Variants in SPIDR observed in about 807,000 individuals in gnomAD.
SPIDR encodes the protein scaffold protein involved in DNA repair.
SPIDR carries 93 observed loss-of-function variants against 104.6 expected under a neutral mutation model. That is an observed-to-expected ratio of 0.89 (90% CI 0.75 to 1.06). The LOEUF is 1.06. Among genes scored for constraint, SPIDR ranks in the 50% least tolerant of loss-of-function variants. The pLI, the probability that SPIDR is intolerant of heterozygous loss-of-function variation, is 0.00. For synonymous variants in SPIDR, 431 were observed against 416.9 expected, an observed-to-expected ratio of 1.03 and a Z score of -0.41; for missense variants, 1,154 against 1,111.2, an observed-to-expected ratio of 1.04 and a Z score of -0.55.
intron 8 of SPIDR, among the ~76,000 whole-genome samples, chr8:47,480,672 A>G (rs1268040061): frequency 6.6e-6 from 1 of 152,182 alleles, no homozygotes; most frequent in Non-Finnish European, 1.5e-5. Flanking sequence ...GTGTGCTCCC[A>G]TGTGGCCTGA....
At chr8:47,340,301 A>G (rs2050500060) in intron 5 of SPIDR, among the ~76,000 whole-genome samples, 1 of 152,008 alleles carries the variant, frequency 6.6e-6, no homozygotes, top group Admixed American at 6.6e-5. Context: ...CTTTTTCTCA[A>G]CACGTACAAT....
intron 11 of SPIDR, among the ~76,000 whole-genome samples, chr8:47,698,402 T>C (rs1487095791): frequency 6.6e-6 from 1 of 152,198 alleles, no homozygotes; most frequent in Non-Finnish European, 1.5e-5. Context: ...TAAATGAATG[T>C]GTCAGCTGCC....
At chr8:47,552,818 T>TA (rs1564313029) in intron 8 of SPIDR, among the ~76,000 whole-genome samples, 1 of 152,200 alleles carries the variant, frequency 6.6e-6, no homozygotes, top group African/African-American at 2.4e-5. Context: ...GTTAGCTGGT[T>TA]ATTTTGCTCA....
chr8:47,396,455 C>T lies in SPIDR; in HGVS notation c.605C>T (p.Ser202Leu), dbSNP rs782616390. ...TTGGAAAATGTCCTACTCATTGATT[C>T]AGAATCCCCTCACAAATACCACGTG... ...DDLENVLLIDSESPHKYHVQF... is the reference protein window; with the variant it reads ...DDLENVLLIDLESPHKYHVQF... Residue 202 changes from serine (S) to leucine (L), a missense_variant, in exon 6 of 20, where the codon TCA becomes TTA. Physicochemically the swap from Ser to Leu is moderately radical, Grantham distance 145. Coordinates refer to ENST00000297423, the MANE Select transcript of SPIDR (RefSeq NM_001080394.4). 5.0e-6 allele frequency: 8 copies of T among 1,613,924 alleles called. No homozygotes were observed. Among genetic ancestry groups the T allele is most frequent in the Middle Eastern group, 1.6e-4 (1 of 6,062 alleles).
At chr8:47,390,867 G>A (rs2060496441) in intron 5 of SPIDR, among the ~76,000 whole-genome samples, 2 of 152,034 alleles carry the variant, frequency 1.3e-5, no homozygotes. Context: ...AAAACTTATG[G>A]CCCTCCTTTC....
intron 8 of SPIDR, among the ~76,000 whole-genome samples, chr8:47,536,428 C>G (rs2086928562): frequency 6.6e-6 from 1 of 151,930 alleles, no homozygotes; most frequent in African/African-American, 2.4e-5. Context: ...AAAAGAATAG[C>G]CAAATAGGTC....
chr8:47,599,266 G>A (rs2061980514), intron 10 of SPIDR, 70 bp downstream of exon 10: 19 of 1,571,090 alleles, frequency 1.2e-5, no homozygotes, highest in Non-Finnish European at 1.4e-5. Context: ...AGAAAGTGGA[G>A]CCTCTTCTCA....
intron 8 of SPIDR, among the ~76,000 whole-genome samples, chr8:47,526,866 G>A (rs2085072035): frequency 6.6e-6 from 1 of 152,100 alleles, no homozygotes; most frequent in Admixed American, 6.6e-5. Flanking sequence ...ACAAACAGCT[G>A]CCCCCCAAAT....
At chr8:47,281,853 A>T (rs2037847408) in intron 2 of SPIDR, among the ~76,000 whole-genome samples, 1 of 152,232 alleles carries the variant, frequency 6.6e-6, no homozygotes, top group Non-Finnish European at 1.5e-5. Context: ...TACTTTGCCC[A>T]GATCCATCAG....
intron 11 of SPIDR, among the ~76,000 whole-genome samples, chr8:47,681,178 GTTTAGGAGTATGT>G (rs2077051259): frequency 6.6e-6 from 1 of 152,204 alleles, no homozygotes; most frequent in Admixed American, 6.5e-5. Flanking sequence ...CCCTTCATCA[GTTTAGGAGTATGT>G]TTTGTGTTTT....
At chr8:47,438,519 G>GCTA (rs2068785843) in intron 7 of SPIDR, among the ~76,000 whole-genome samples, 1 of 152,134 alleles carries the variant, frequency 6.6e-6, no homozygotes, top group South Asian at 2.1e-4. Context: ...TTGAAGATGA[G>GCTA]CTACTTTTCA....
At chr8:47,352,516 G>T (rs189076234) in intron 5 of SPIDR, among the ~76,000 whole-genome samples, 1 of 152,204 alleles carries the variant, frequency 6.6e-6, no homozygotes, top group Non-Finnish European at 1.5e-5. Flanking sequence ...TGAAAGGAAG[G>T]GCTAAACATT....
intron 5 of SPIDR, among the ~76,000 whole-genome samples, chr8:47,384,303 G>A (rs554898877): frequency 3.9e-4 from 59 of 152,186 alleles, no homozygotes; most frequent in Admixed American, 1.1e-3. Context: ...GTTAGCCTTT[G>A]AAAAAGTATA....
chr8:47,306,289 C>T (rs986209719), intron 5 of SPIDR, among the ~76,000 whole-genome samples: 5 of 151,998 alleles, frequency 3.3e-5, no homozygotes, highest in East Asian at 3.9e-4. Flanking sequence ...TATAGGCGCA[C>T]GCCACCACGC....
intron 5 of SPIDR, among the ~76,000 whole-genome samples, chr8:47,320,749 A>G (rs2046390882): frequency 6.6e-6 from 1 of 152,216 alleles, no homozygotes; most frequent in Non-Finnish European, 1.5e-5. Context: ...CTTATCCACC[A>G]TGATCAAGTG....
chr8:47,690,060 A>G (rs925810338), intron 11 of SPIDR, among the ~76,000 whole-genome samples: 1 of 152,180 alleles, frequency 6.6e-6, no homozygotes, highest in Non-Finnish European at 1.5e-5. Flanking sequence ...TTGGTTAAAA[A>G]AAAAAACTTA....
chr8:47,393,585 T>A (rs1191909393), intron 5 of SPIDR, among the ~76,000 whole-genome samples: 1 of 152,152 alleles, frequency 6.6e-6, no homozygotes, highest in African/African-American at 2.4e-5. Context: ...AGCATTGAAC[T>A]TCAGGTGCCA....
At chr8:47,438,647 A>G (rs140496905) in intron 7 of SPIDR, among the ~76,000 whole-genome samples, 1 of 152,314 alleles carries the variant, frequency 6.6e-6, no homozygotes, top group East Asian at 1.9e-4. Context: ...AGCTCGTTAT[A>G]TGCTGCTTGT....
chr8:47,726,533 C>T (rs960454440), intron 16 of SPIDR, among the ~76,000 whole-genome samples: 1 of 152,218 alleles, frequency 6.6e-6, no homozygotes, highest in Non-Finnish European at 1.5e-5. Context: ...CCCCAGCAAG[C>T]ACTGACCAAC....
Sources: allele counts gnomAD v4.1 joint callset (sites outside exome capture counted in the v4.1 genomes callset), GRCh38; gene constraint gnomAD v4.1.1; transcripts MANE v1.5; gene names NCBI Gene and HGNC (gene_info 2026-07-23, HGNC 2026-07-21).